Variants in OIP5 observed in about 807,000 individuals in gnomAD.
OIP5 encodes the protein Opa interacting protein 5.
A neutral mutation model predicts 20.3 loss-of-function variants in OIP5; 24 were observed. The ratio of observed to expected loss-of-function variants is 1.18; its 90% confidence interval spans 0.86 to 1.66. OIP5 has a LOEUF of 1.66. Ranked by LOEUF, OIP5 falls within the 40% of genes most tolerant of loss-of-function variation. OIP5 has a pLI of 0.00. For synonymous variants in OIP5, 143 were observed against 121.3 expected (o/e 1.18, Z -1.17); for missense variants, 339 against 289.5 (o/e 1.17, Z -1.24).
chr15:41,319,074 CTTTT>C (rs755273212), intron 3 of OIP5, among the ~76,000 whole-genome samples: 2 of 141,344 alleles, frequency 1.4e-5, no homozygotes, highest in Admixed American at 1.4e-4. Flanking sequence ...TGTCTTTTTT[CTTTT>C]TTTTTTTTTT....
intron 4 of OIP5, 24 bp downstream of exon 4, chr15:41,313,249 C>CAT (rs781725980): frequency 7.1e-7 from 1 of 1,415,106 alleles, no homozygotes; most frequent in Non-Finnish European, 9.9e-7. Context: ...TTTAAAAAAG[C>CAT]ATACAACCAT....
rs1184159761 is a variant in OIP5, at chr15:41,332,547, C to G, written c.15G>C (p.Pro5=). The G allele has an allele frequency of 5.0e-6, 8 of 1,603,012 alleles. No individual in the cohort carries two copies. The Admixed American group carries it at 1.4e-4, about 28-fold the overall frequency. The change falls in exon 1 of 5, where the codon CCG becomes CCC. Residue 5 remains proline, a synonymous_variant. Transcript: ENST00000220514. ...TTGCACAACGTGAGCGATGCCGCAGCGGCTGAGCCGCCATCTTCCCGCAGC... is the reference window on the plus strand; with the variant it reads ...TTGCACAACGTGAGCGATGCCGCAGGGGCTGAGCCGCCATCTTCCCGCAGC... The part of the protein sequence containing the change: MAAQ[P]LRHRSRCATP...
At chr15:41,329,318 T>TC (rs2047882506) in intron 2 of OIP5, among the ~76,000 whole-genome samples, 1 of 149,258 alleles carries the variant, frequency 6.7e-6, no homozygotes, top group African/African-American at 2.5e-5. Context: ...CTCTAGTTTT[T>TC]TTTTTTTTTT....
At chr15:41,331,068 A>C (rs1385817109) in intron 2 of OIP5, among the ~76,000 whole-genome samples, 2 of 152,214 alleles carry the variant, frequency 1.3e-5, no homozygotes, top group African/African-American at 4.8e-5. Flanking sequence ...AAGCTGCAGA[A>C]ATCTTCCTGG....
At chr15:41,313,851 A>G (rs2047773989) in intron 3 of OIP5, among the ~76,000 whole-genome samples, 1 of 152,202 alleles carries the variant, frequency 6.6e-6, no homozygotes, top group African/African-American at 2.4e-5. Context: ...TCCTGGAACC[A>G]CAGATACTGA....
intron 2 of OIP5, among the ~76,000 whole-genome samples, chr15:41,320,428 C>T (rs946928860): frequency 1.1e-4 from 17 of 152,308 alleles, no homozygotes; most frequent in Middle Eastern, 3.4e-3. Context: ...CAGGCACGCG[C>T]CGCCACACTT....
At chr15:41,317,681 C>G (rs1427194404) in intron 3 of OIP5, among the ~76,000 whole-genome samples, 1 of 151,848 alleles carries the variant, frequency 6.6e-6, no homozygotes, top group African/African-American at 2.4e-5. Context: ...CGCCCAGCAC[C>G]GTTTTTGGTT....
chr15:41,327,251 G>C (rs943312597), intron 2 of OIP5, among the ~76,000 whole-genome samples: 1 of 150,718 alleles, frequency 6.6e-6, no homozygotes, highest in Non-Finnish European at 1.5e-5. Flanking sequence ...GTGTGATCTC[G>C]GCTCACTGCA....
At chr15:41,313,209 T>C (rs2047769722) in intron 4 of OIP5, 64 bp downstream of exon 4, 9 of 963,764 alleles carry the variant, frequency 9.3e-6, no homozygotes, top group South Asian at 1.4e-5. Context: ...CCCAAGTTCA[T>C]TGGTAGAAGT....
intron 3 of OIP5, among the ~76,000 whole-genome samples, 166 bp downstream of exon 3, chr15:41,319,492 T>C (rs1460016738): frequency 6.6e-6 from 1 of 152,020 alleles, no homozygotes; most frequent in Non-Finnish European, 1.5e-5. Flanking sequence ...TGACCTCGAG[T>C]GATCCACCGC....
chr15:41,314,346 C>A (rs2047777147), intron 3 of OIP5, among the ~76,000 whole-genome samples: 1 of 152,196 alleles, frequency 6.6e-6, no homozygotes, highest in African/African-American at 2.4e-5. Context: ...AGGTGATCCC[C>A]CTGCCTGGGC....
chr15:41,313,098 C>T (rs1009509691), intron 4 of OIP5, among the ~76,000 whole-genome samples, 175 bp downstream of exon 4: 2 of 152,152 alleles, frequency 1.3e-5, no homozygotes, highest in Non-Finnish European at 2.9e-5. Context: ...CTGAACTATA[C>T]CTTACAGTGT....
chr15:41,309,735 C>G lies in OIP5; in HGVS notation c.*19G>C. The G allele has an allele frequency of 6.4e-7, 1 of 1,556,810 alleles. No homozygotes were observed. The highest frequency in any genetic ancestry group is 8.8e-7 in the Non-Finnish European group (1 of 1,130,680). ...ACAGCAATAAAGCCTGAACCTGACA[C>G]TCAAGCTTTGGTACAGGATCAGTTT... is the stretch of plus-strand genomic sequence containing the variant. On this transcript the variant is annotated 3_prime_UTR_variant, in exon 5 of 5. Transcript: ENST00000220514.
chr15:41,321,093 A>C (rs1445139064), intron 2 of OIP5, among the ~76,000 whole-genome samples: 1 of 101,938 alleles, frequency 9.8e-6, no homozygotes, highest in Non-Finnish European at 2.6e-5. Context: ...CCCGGCAGCC[A>C]CCCCATCTGG....
At position 41,330,133 on chromosome 15, in the gene OIP5, C is replaced by G. The variant is rs183514133; in HGVS notation, c.389+1782G>C. 9.9e-5 allele frequency among the ~76,000 whole-genome samples: 15 copies of G among 152,216 alleles called. No individual in the cohort carries two copies. In the East Asian group the frequency reaches 2.9e-3, roughly 29 times the overall value. ...AAGACAGAGTTTCGCTCTCGTTGCC[C>G]AGGCTGGAGTGCAATGGCGTGAACT... On this transcript the variant is annotated intron_variant, in intron 2 of 4. Transcript: ENST00000220514.
At position 41,316,789 on chromosome 15, in the gene OIP5, C is replaced by CAAA. The variant is rs11385589; in HGVS notation, c.512+2866_512+2868dup. On this transcript the variant is annotated intron_variant, in intron 3 of 4. Coordinates refer to ENST00000220514, the MANE Select transcript of OIP5 (RefSeq NM_007280.2). ...TGGGCGCCACAGCAAGACTCCATCT[C>CAAA]AAAAAAAAAAAAAAAAAAAAAGACA... 1.6e-3 allele frequency among the ~76,000 whole-genome samples: 96 copies of CAAA among 61,498 alleles called. 2 individuals carry two copies. The highest frequency in any genetic ancestry group is 3.7e-3 in the African/African-American group (61 of 16,594). 40.3% of individuals were successfully genotyped at this position (61,498 alleles called of 152,430 possible).
At chr15:41,309,943 C>T (rs1183617199) in intron 4 of OIP5, 94 bp from the exon 5 acceptor site, 1 of 762,754 alleles carries the variant, frequency 1.3e-6, no homozygotes, top group Non-Finnish European at 2.1e-6. Context: ...AGCTGGAGTA[C>T]AGTGGCACAT....
At position 41,332,540 on chromosome 15, in the gene OIP5, GCCGCAGCGGCTGAGCCGCCATCTTC is replaced by G. The variant is rs531991719; in HGVS notation, c.-4_21del. ...GGCGGCGTTGCACAACGTGAGCGAT[GCCGCAGCGGCTGAGCCGCCATCTTC>G]CCGCAGCCGGCGCCTTCCTTTCGAA... On this transcript the variant is annotated start_lost and 5_prime_UTR_variant, in exon 1 of 5. Coordinates refer to ENST00000220514, the MANE Select transcript of OIP5 (RefSeq NM_007280.2). The G allele has an allele frequency of 3.5e-4, 555 of 1,607,584 alleles. 1 individual carries two copies. In the African/African-American group the frequency reaches 5.9e-3, roughly 17 times the overall value.
At position 41,331,931 on chromosome 15, in the gene OIP5, C is replaced by CT. The variant is rs1396827548; in HGVS notation, c.372dup (p.Gly125ArgfsTer43). 1 of 1,613,940 alleles carries CT rather than the reference C, an allele frequency of 6.2e-7. No individual in the cohort carries two copies. Among genetic ancestry groups the CT allele is most frequent in the Non-Finnish European group, 8.5e-7 (1 of 1,179,894 alleles). On this transcript the variant is annotated frameshift_variant, in exon 2 of 5. Transcript: ENST00000220514. LOFTEE classifies it high-confidence loss of function. ...AATACGTACCTGCCTTTGAGTGAAC[C>CT]TTCAATGCCAACTAGGAAGGGCGCT...
Sources: gnomAD v4.1 joint callset for allele counts (sites outside exome capture counted in the v4.1 genomes callset) on GRCh38, gnomAD v4.1.1 for gene constraint, MANE v1.5 for transcripts, NCBI Gene and HGNC (gene_info 2026-07-23, HGNC 2026-07-21) for gene names.